The following HYDIN variants were observed in gnomAD, a reference collection of about 807,000 sequenced individuals.
HYDIN encodes the protein axonemal central pair apparatus protein HYDIN.
A neutral mutation model predicts 403.9 loss-of-function variants in HYDIN; 132 were observed. The ratio of observed to expected loss-of-function variants is 0.33; its 90% CI spans 0.28 to 0.38. The LOEUF is 0.38. Among genes scored for constraint, HYDIN ranks in the 10% least tolerant of loss-of-function variants. The pLI, the probability that HYDIN is intolerant of heterozygous loss-of-function variation, is 1.00. For missense variants in HYDIN, 2,827 were observed against 5,009.5 expected (o/e 0.56, Z 13.15); for synonymous variants, 1,202 against 1,891.7 (o/e 0.64, Z 9.46).
intron 73 of HYDIN, among the ~76,000 whole-genome samples, chr16:70,853,036 C>T (rs2038767730): frequency 6.6e-6 from 1 of 151,320 alleles, no homozygotes; most frequent in Non-Finnish European, 1.5e-5. Context: ...AAAAAATTAG[C>T]CGGGCATAGT....
chr16:70,849,145 C>T (rs949823853), intron 75 of HYDIN, among the ~76,000 whole-genome samples: 1 of 151,860 alleles, frequency 6.6e-6, no homozygotes, highest in African/African-American at 2.4e-5. Flanking sequence ...ACTTTGATTG[C>T]CAAATTGTTG....
intron 11 of HYDIN, 87 bp downstream of exon 11, chr16:71,093,730 T>C: frequency 6.7e-7 from 1 of 1,487,666 alleles, no homozygotes; most frequent in Non-Finnish European, 9.0e-7. Context: ...TTGCATACTC[T>C]TTCCATCAAA....
At chr16:71,107,502 A>G (rs180735267) in intron 10 of HYDIN, among the ~76,000 whole-genome samples, 2 of 151,360 alleles carry the variant, frequency 1.3e-5, no homozygotes, top group South Asian at 2.1e-4. Context: ...CCTATTAAAA[A>G]GTCGGCAAAA....
intron 62 of HYDIN, among the ~76,000 whole-genome samples, chr16:70,877,953 C>T (rs551056353): frequency 8.3e-4 from 126 of 152,096 alleles, no homozygotes; most frequent in Admixed American, 3.0e-3. Flanking sequence ...TCACCACCAG[C>T]AGACCCCCAT....
At chr16:70,981,810 A>T (rs1192391369) in intron 28 of HYDIN, among the ~76,000 whole-genome samples, 1 of 152,130 alleles carries the variant, frequency 6.6e-6, no homozygotes, top group Non-Finnish European at 1.5e-5. Context: ...GAAGATAAGG[A>T]GAAAAGTCAC....
intron 8 of HYDIN, among the ~76,000 whole-genome samples, chr16:71,135,196 G>A (rs2084869603): frequency 6.6e-6 from 1 of 151,806 alleles, no homozygotes; most frequent in South Asian, 2.1e-4. Context: ...GTTGCCAGAA[G>A]AAATAATAGA....
At chr16:70,937,771 G>C (rs2077537273) in intron 44 of HYDIN, among the ~76,000 whole-genome samples, 1 of 149,242 alleles carries the variant, frequency 6.7e-6, no homozygotes, top group African/African-American at 2.5e-5. Context: ...GAGAGAACAG[G>C]GTAAATAGTA....
intron 72 of HYDIN, among the ~76,000 whole-genome samples, chr16:70,855,572 T>G (rs1409471986): frequency 6.6e-6 from 1 of 152,230 alleles, no homozygotes; most frequent in African/African-American, 2.4e-5. Flanking sequence ...AGAATTGTAA[T>G]GCCTTCCTGA....
At chr16:70,949,080 T>C (rs1196086947) in intron 41 of HYDIN, among the ~76,000 whole-genome samples, 1 of 151,668 alleles carries the variant, frequency 6.6e-6, no homozygotes, top group East Asian at 1.9e-4. Flanking sequence ...AATGATAGAC[T>C]AGATTAAGAA....
At chr16:71,006,781 C>A (rs2144088559) in intron 23 of HYDIN, among the ~76,000 whole-genome samples, 1 of 152,194 alleles carries the variant, frequency 6.6e-6, no homozygotes, top group South Asian at 2.1e-4. Context: ...CTAGCCCGCC[C>A]CAGCAGACCC....
At chr16:70,916,856 CCTTCCTTG>C (rs1414673339) in intron 47 of HYDIN, among the ~76,000 whole-genome samples, 3 of 152,034 alleles carry the variant, frequency 2.0e-5, no homozygotes, top group East Asian at 1.9e-4. Flanking sequence ...TTCCTTCCTT[CCTTCCTTG>C]CTTCCTTCCT....
At chr16:71,067,882 C>A (rs1348879583) in intron 14 of HYDIN, among the ~76,000 whole-genome samples, 2 of 151,936 alleles carry the variant, frequency 1.3e-5, no homozygotes, top group African/African-American at 2.4e-5. Flanking sequence ...TTGCCCCCAC[C>A]ATCCCACATT....
chr16:70,890,411 C>T lies in HYDIN; in HGVS notation c.9657-707G>A, dbSNP rs1267748845. ...AAGCAAAACAGAATTAAGTCATAAT[C>T]ATTATAGACATTACATTGTTATAAA... On this transcript the variant is annotated intron_variant, in intron 57 of 85. Coordinates refer to ENST00000393567, the MANE Select transcript of HYDIN (RefSeq NM_001270974.2). 2.0e-5 allele frequency among the ~76,000 whole-genome samples: 3 copies of T among 152,038 alleles called. No homozygotes were observed. In the East Asian group the frequency reaches 5.8e-4, roughly 29 times the overall value.
Position 70,992,196 on chromosome 16 carries a change from G to A in HYDIN, c.3659C>T (p.Pro1220Leu), listed in dbSNP as rs757266935. Residue 1220 changes from proline to leucine, a missense_variant, in exon 24 of 86, where the codon CCG becomes CTG. By Grantham distance (98) the Pro-to-Leu change is moderately conservative. Transcript: ENST00000393567. ...CACTGGGGCACTGTAGGGCTTCTTC[G>A]GCAATGTCACAAACCTACCAAAGCA... is the stretch of plus-strand genomic sequence containing the variant. Reference protein sequence around the residue: ...EENQIRFVTLPKKPYSAPVSQ... With the variant: ...EENQIRFVTLLKKPYSAPVSQ... The A allele has an allele frequency of 7.5e-6, 12 of 1,592,446 alleles. No homozygotes were observed. In the Admixed American group the frequency reaches 9.0e-5, roughly 12 times the overall value.
intron 7 of HYDIN, among the ~76,000 whole-genome samples, chr16:71,144,495 CTAT>C (rs992675243): frequency 2.1e-5 from 3 of 142,770 alleles, no homozygotes; most frequent in Non-Finnish European, 4.5e-5. Context: ...CAATTTTAGA[CTAT>C]AATAAAAAAG....
chr16:70,931,965 CCCA>C (rs1378633289), intron 45 of HYDIN, among the ~76,000 whole-genome samples: 1 of 137,016 alleles, frequency 7.3e-6, no homozygotes, highest in East Asian at 2.1e-4. Flanking sequence ...CGGCCGAGAT[CCCA>C]CCACTGCACT....
chr16:70,835,124 A>G (rs2037333300), intron 78 of HYDIN, among the ~76,000 whole-genome samples: 1 of 151,096 alleles, frequency 6.6e-6, no homozygotes, highest in Non-Finnish European at 1.5e-5. Flanking sequence ...AGCCTCCTGA[A>G]TAGCTGGGAT....
chr16:71,015,962 T>C (rs1402386643), intron 23 of HYDIN, among the ~76,000 whole-genome samples: 2 of 151,930 alleles, frequency 1.3e-5, no homozygotes, highest in Non-Finnish European at 2.9e-5. Flanking sequence ...TGTCTATACA[T>C]ATACATAAAT....
At chr16:70,910,248 C>T (rs1440183181) in intron 47 of HYDIN, among the ~76,000 whole-genome samples, 1 of 152,134 alleles carries the variant, frequency 6.6e-6, no homozygotes, top group East Asian at 1.9e-4. Flanking sequence ...TCCCACCCTT[C>T]CCCCCAAGTC....
Sources: allele counts gnomAD v4.1 joint callset (sites outside exome capture counted in the v4.1 genomes callset), GRCh38; gene constraint gnomAD v4.1.1; transcripts MANE v1.5; gene names NCBI Gene and HGNC (gene_info 2026-07-23, HGNC 2026-07-21).